Variants in NPAS3 observed in about 807,000 individuals in gnomAD.
The protein encoded by NPAS3 is neuronal PAS domain-containing protein 3.
A neutral mutation model predicts 73.1 loss-of-function variants in NPAS3; 14 were observed. That is an observed-to-expected ratio of 0.19 (90% CI 0.13 to 0.30). NPAS3 has a LOEUF of 0.30. Ranked by LOEUF, NPAS3 falls within the 10% of genes least tolerant of loss-of-function variation. NPAS3 has a pLI of 1.00. For synonymous variants in NPAS3, 620 were observed against 541.5 expected, an observed-to-expected ratio of 1.14 and a Z score of -2.01; for missense variants, 1,096 against 1,250.0, an observed-to-expected ratio of 0.88 and a Z score of 1.86.
At position 33,147,615 on chromosome 14, in the gene NPAS3, G is replaced by T. The variant is rs567359759; in HGVS notation, c.141-67567G>T. The stretch of plus-strand genomic sequence containing the variant: ...GGGGGAGGGATAGCATTAGGAGATA[G>T]ACCTTATGTAAATGACGAGTTAATG... On this transcript the variant is annotated intron_variant, in intron 2 of 11. Transcript: ENST00000356141. Among the ~76,000 whole-genome samples the T allele has an allele frequency of 2.1e-3, 325 of 151,428 alleles. 1 individual carries two copies. Among genetic ancestry groups the T allele is most frequent in the Non-Finnish European group, 3.8e-3 (257 of 67,884 alleles).
intron 5 of NPAS3, among the ~76,000 whole-genome samples, chr14:33,643,373 A>AC (rs2058728472): frequency 1.0e-5 from 1 of 99,872 alleles, no homozygotes; most frequent in African/African-American, 3.7e-5. Flanking sequence ...AGAAATAAAA[A>AC]TTAAAAAAAA....
intron 2 of NPAS3, among the ~76,000 whole-genome samples, chr14:33,168,670 C>T (rs910649989): frequency 6.6e-6 from 1 of 152,112 alleles, no homozygotes; most frequent in Admixed American, 6.5e-5. Context: ...TTCCCGACTG[C>T]ATTTTCCTCT....
chr14:33,215,264 G>A, exon 3 of NPAS3: 1 of 1,593,506 alleles, frequency 6.3e-7, no homozygotes, highest in Non-Finnish European at 8.6e-7. Context: ...CTATGAATTG[G>A]CCAAGTTGTT....
chr14:33,039,782 GC>G (rs1423946841), intron 1 of NPAS3, among the ~76,000 whole-genome samples: 16 of 152,222 alleles, frequency 1.1e-4, no homozygotes, highest in African/African-American at 3.9e-4. Flanking sequence ...ACTTTCAATA[GC>G]AGGCATGGTA....
chr14:33,515,096 G>C (rs1023490076), intron 4 of NPAS3, among the ~76,000 whole-genome samples: 1 of 152,090 alleles, frequency 6.6e-6, no homozygotes, highest in Non-Finnish European at 1.5e-5. Context: ...TTCTGGCTCT[G>C]TCGAGCCAAT....
chr14:32,964,900 T>A (rs1054949529), intron 1 of NPAS3, among the ~76,000 whole-genome samples: 2 of 151,698 alleles, frequency 1.3e-5, no homozygotes, highest in Non-Finnish European at 2.9e-5. Flanking sequence ...AGCCCAGGAG[T>A]TGGAGGCTGC....
chr14:33,279,647 C>T (rs1416541867), intron 3 of NPAS3, among the ~76,000 whole-genome samples: 1 of 152,028 alleles, frequency 6.6e-6, no homozygotes, highest in Non-Finnish European at 1.5e-5. Flanking sequence ...ACCTTTTCAC[C>T]CTGGAATTTG....
chr14:33,546,030 C>T (rs1184941040), intron 4 of NPAS3, among the ~76,000 whole-genome samples: 2 of 152,196 alleles, frequency 1.3e-5, no homozygotes, highest in Non-Finnish European at 2.9e-5. Flanking sequence ...TCCTCTTCTT[C>T]TGGGGGCTCC....
At chr14:33,467,116 G>T (rs1416607955) in intron 4 of NPAS3, among the ~76,000 whole-genome samples, 5 of 152,150 alleles carry the variant, frequency 3.3e-5, no homozygotes, top group African/African-American at 1.2e-4. Flanking sequence ...CCAGAACCGC[G>T]TGAGTGACTG....
intron 5 of NPAS3, among the ~76,000 whole-genome samples, chr14:33,585,400 C>T (rs911453231): frequency 2.6e-5 from 4 of 152,154 alleles, no homozygotes; most frequent in African/African-American, 9.7e-5. Flanking sequence ...AATCTGGGTC[C>T]CATATCCTGC....
chr14:32,940,445 C>T (rs1038809161), intron 1 of NPAS3, among the ~76,000 whole-genome samples: 3 of 152,132 alleles, frequency 2.0e-5, no homozygotes. Context: ...TAATTGGCAA[C>T]GTTAATGACA....
At chr14:33,371,537 T>G (rs749568204) in intron 4 of NPAS3, among the ~76,000 whole-genome samples, 3 of 152,226 alleles carry the variant, frequency 2.0e-5, no homozygotes, top group Admixed American at 6.5e-5. Flanking sequence ...TGGTCATGTC[T>G]GTGCTGAGAA....
chr14:33,066,864 G>T (rs1176863099), intron 2 of NPAS3, among the ~76,000 whole-genome samples: 2 of 152,168 alleles, frequency 1.3e-5, no homozygotes, highest in Non-Finnish European at 2.9e-5. Flanking sequence ...TTTTCTATGT[G>T]CAATAATGCA....
chr14:33,533,177 T>G (rs2054115002), intron 4 of NPAS3, among the ~76,000 whole-genome samples: 2 of 152,140 alleles, frequency 1.3e-5, no homozygotes, highest in South Asian at 4.1e-4. Flanking sequence ...CTTTAGAATT[T>G]TTAACTATGT....
At chr14:33,129,666 A>G (rs2043562468) in intron 2 of NPAS3, among the ~76,000 whole-genome samples, 2 of 152,190 alleles carry the variant, frequency 1.3e-5, no homozygotes, top group South Asian at 4.1e-4. Context: ...TTATGGCAGT[A>G]GTGAATAACT....
chr14:33,655,702 CTTG>C lies in NPAS3; in HGVS notation c.559-20500_559-20498del, dbSNP rs561771925. 2.4e-4 allele frequency among the ~76,000 whole-genome samples: 37 copies of C among 152,162 alleles called. No homozygotes were observed. In the East Asian group the frequency reaches 5.8e-3, roughly 24 times the overall value. ...TTTCTTCATTGTTGTTTGCTTTCGC[CTTG>C]TTGTTGTTTTGGGTTTTTTGTTTTG... On this transcript the variant is annotated intron_variant, in intron 5 of 11. Coordinates refer to ENST00000356141, the Ensembl canonical transcript of NPAS3.
At chr14:33,713,318 T>C (rs1027597002) in intron 6 of NPAS3, among the ~76,000 whole-genome samples, 2 of 152,232 alleles carry the variant, frequency 1.3e-5, no homozygotes, top group Non-Finnish European at 2.9e-5. Flanking sequence ...CATATGAGTC[T>C]CATCCTCAGC....
At chr14:33,130,495 ATTG>A (rs2043595527) in intron 2 of NPAS3, among the ~76,000 whole-genome samples, 1 of 152,202 alleles carries the variant, frequency 6.6e-6, no homozygotes, top group South Asian at 2.1e-4. Context: ...ATGATTAATC[ATTG>A]TTATTTCTAT....
chr14:33,562,462 A>G (rs2055696615), intron 5 of NPAS3, among the ~76,000 whole-genome samples: 1 of 152,194 alleles, frequency 6.6e-6, no homozygotes, highest in East Asian at 1.9e-4. Flanking sequence ...TCAAATATGC[A>G]GGTAGAGGCT....
Sources: gnomAD v4.1 joint callset for allele counts (sites outside exome capture counted in the v4.1 genomes callset) on GRCh38, gnomAD v4.1.1 for gene constraint, MANE v1.5 for transcripts, NCBI Gene and HGNC (gene_info 2026-07-23, HGNC 2026-07-21) for gene names.